RALYL: variants seen among roughly 807,000 people sequenced by gnomAD.
RALYL encodes the protein RALY RNA binding protein like.
RALYL carries 29 observed loss-of-function variants against 35.1 expected under a neutral mutation model. That is an observed-to-expected ratio of 0.83 (90% CI 0.61 to 1.13). The LOEUF (loss-of-function observed/expected upper bound fraction) is 1.13. RALYL is among the 50% of genes most tolerant of loss of function. RALYL has a pLI of 0.00. For missense variants in RALYL, 359 were observed against 360.4 expected, an observed-to-expected ratio of 1.00 and a Z score of 0.03; for synonymous variants, 120 against 127.6, an observed-to-expected ratio of 0.94 and a Z score of 0.40.
At chr8:84,522,440 G>A (rs921653946) in intron 1 of RALYL, among the ~76,000 whole-genome samples, 1 of 151,522 alleles carries the variant, frequency 6.6e-6, no homozygotes, top group Non-Finnish European at 1.5e-5. Flanking sequence ...TAGTAGAGAC[G>A]GGGTTTCACC....
At position 84,754,848 on chromosome 8, in the gene RALYL, T is replaced by G. The variant is rs529164494; in HGVS notation, c.257-19731T>G. On this transcript the variant is annotated intron_variant, in intron 2 of 8. Transcript: ENST00000521268. ...AAGAAGAACAGTAACCATTGAGTAC[T>G]TATATGCCAGGTTCTCTTCTAAGTG... 7.9e-5 allele frequency among the ~76,000 whole-genome samples: 12 copies of G among 152,286 alleles called. No individual in the cohort carries two copies. In the South Asian group the frequency reaches 2.5e-3, roughly 32 times the overall value.
chr8:84,764,454 T>C (rs1399996861), intron 2 of RALYL, among the ~76,000 whole-genome samples: 1 of 152,214 alleles, frequency 6.6e-6, no homozygotes, highest in African/African-American at 2.4e-5. Flanking sequence ...TCCAAATATA[T>C]ATGTGCTTTT....
intron 1 of RALYL, among the ~76,000 whole-genome samples, chr8:84,341,652 T>C (rs764855898): frequency 1.3e-5 from 2 of 152,044 alleles, no homozygotes; most frequent in Admixed American, 6.6e-5. Context: ...ACTGCTTGTT[T>C]TATTTAAAAT....
At chr8:84,637,557 C>T (rs1825333540) in intron 2 of RALYL, among the ~76,000 whole-genome samples, 1 of 151,746 alleles carries the variant, frequency 6.6e-6, no homozygotes, top group Non-Finnish European at 1.5e-5. Context: ...GGGGAAGTGG[C>T]CAGATTTACA....
At chr8:84,626,919 T>C (rs774535565) in intron 2 of RALYL, among the ~76,000 whole-genome samples, 2 of 152,184 alleles carry the variant, frequency 1.3e-5, no homozygotes, top group African/African-American at 2.4e-5. Context: ...CACAGCCTTA[T>C]TTCGTGTGAC....
chr8:84,563,697 T>C (rs2061602744), intron 2 of RALYL, among the ~76,000 whole-genome samples: 1 of 151,806 alleles, frequency 6.6e-6, no homozygotes, highest in Non-Finnish European at 1.5e-5. Context: ...TGGTTAAAGA[T>C]AATGTTTTAA....
chr8:84,774,612 G>T lies in RALYL; in HGVS notation c.290G>T (p.Arg97Ile). Residue 97 changes from arginine (R) to isoleucine (I), a missense_variant, in exon 3 of 9, where the codon AGA becomes ATA. Coordinates refer to ENST00000521268, the MANE Select transcript of RALYL (RefSeq NM_173848.7). The stretch of plus-strand genomic sequence containing the variant: ...ATGGCAGGAGAGCCCAAACCATACA[G>T]ACCAAAACCTGGAAACAAGAGGCCC... ...INMAGEPKPY[R>I]PKPGNKRPLS... 1 of 1,609,228 alleles carries T rather than the reference G, an allele frequency of 6.2e-7. No homozygotes were observed. The highest frequency in any genetic ancestry group is 2.2e-5 in the East Asian group (1 of 44,732).
At chr8:84,565,174 A>C (rs537478792) in intron 2 of RALYL, among the ~76,000 whole-genome samples, 3 of 151,772 alleles carry the variant, frequency 2.0e-5, no homozygotes, top group African/African-American at 7.2e-5. Context: ...GGACTATATA[A>C]ATTACATATG....
chr8:84,389,874 C>A (rs1487659921), intron 1 of RALYL, among the ~76,000 whole-genome samples: 1 of 151,254 alleles, frequency 6.6e-6, no homozygotes, highest in Non-Finnish European at 1.5e-5. Context: ...GAACTTCCAA[C>A]AGTATGTTGA....
chr8:84,877,069 T>C lies in RALYL; in HGVS notation c.685+3672T>C, dbSNP rs117075772. Among the ~76,000 whole-genome samples the C allele has an allele frequency of 4.5e-4, 68 of 152,332 alleles. No individual in the cohort carries two copies. The East Asian group carries it at 9.3e-3, about 21-fold the overall frequency. ...TTCACATTCATGTCTGAGACTCCCA[T>C]TGCAGGTTTTCCTTACACTGAGCTA... On this transcript the variant is annotated intron_variant, in intron 7 of 8. Transcript: ENST00000521268.
At chr8:84,282,537 T>C (rs1836770139) in intron 1 of RALYL, among the ~76,000 whole-genome samples, 1 of 152,040 alleles carries the variant, frequency 6.6e-6, no homozygotes, top group Non-Finnish European at 1.5e-5. Context: ...GGGTGGTTCA[T>C]AATTTTAAGG....
chr8:84,870,666 G>A (rs1016907976), intron 6 of RALYL, among the ~76,000 whole-genome samples: 7 of 151,982 alleles, frequency 4.6e-5, no homozygotes, highest in Admixed American at 4.6e-4. Context: ...CAGGAGAGAA[G>A]TTGTTAACAG....
rs181211591 is a variant in RALYL, at chr8:84,739,659, A to C, written c.257-34920A>C. Among the ~76,000 whole-genome samples the C allele has an allele frequency of 3.7e-3, 569 of 152,024 alleles. 5 individuals carry two copies. Among genetic ancestry groups the C allele is most frequent in the African/African-American group, 0.013 (528 of 41,530 alleles). The stretch of plus-strand genomic sequence containing the variant: ...CACAAACATGACAGAAAAGTCATGA[A>C]GACAATAATTATCAATGTAGTTAGA... On this transcript the variant is annotated intron_variant, in intron 2 of 8. Coordinates refer to ENST00000521268, the MANE Select transcript of RALYL (RefSeq NM_173848.7).
In RALYL at chr8:84,387,292, C is replaced by T. The variant is rs905780028; in HGVS notation, c.-23-142007C>T. ...TGATTACTGAATGGCCTGAACTCAC[C>T]GCCAAAAAGCACTTTTACTTTTTTT... On this transcript the variant is annotated intron_variant, in intron 1 of 8. Coordinates refer to ENST00000521268, the MANE Select transcript of RALYL (RefSeq NM_173848.7). Among the ~76,000 whole-genome samples, 5 of 151,870 alleles carry T rather than the reference C, an allele frequency of 3.3e-5. No homozygotes were observed. In the East Asian group the frequency reaches 5.8e-4, roughly 18 times the overall value.
chr8:84,251,986 T>C (rs1318034987), intron 1 of RALYL, among the ~76,000 whole-genome samples: 1 of 152,056 alleles, frequency 6.6e-6, no homozygotes, highest in Non-Finnish European at 1.5e-5. Flanking sequence ...CTATTAATGT[T>C]AATGAGGATA....
intron 2 of RALYL, among the ~76,000 whole-genome samples, chr8:84,552,991 C>G (rs1044832928): frequency 6.6e-6 from 1 of 151,942 alleles, no homozygotes; most frequent in African/African-American, 2.4e-5. Flanking sequence ...CACATACATA[C>G]ATAAATGAAC....
intron 2 of RALYL, among the ~76,000 whole-genome samples, chr8:84,629,397 G>A (rs28490447): frequency 2.0e-5 from 3 of 151,976 alleles, no homozygotes; most frequent in African/African-American, 7.2e-5. Flanking sequence ...CTGAGACTTA[G>A]ATACTACTTC....
intron 3 of RALYL, among the ~76,000 whole-genome samples, chr8:84,788,810 G>A (rs577939933): frequency 1.3e-4 from 20 of 152,218 alleles, no homozygotes; most frequent in Non-Finnish European, 2.6e-4. Flanking sequence ...GGATATGGGG[G>A]CCAGGAGAGC....
intron 2 of RALYL, among the ~76,000 whole-genome samples, chr8:84,736,578 T>A (rs977170999): frequency 2.0e-5 from 3 of 152,138 alleles, no homozygotes; most frequent in African/African-American, 7.2e-5. Flanking sequence ...ATACTGTCTA[T>A]CATGTGTGAG....
Sources: gnomAD v4.1 joint callset for allele counts (sites outside exome capture counted in the v4.1 genomes callset) on GRCh38, gnomAD v4.1.1 for gene constraint, MANE v1.5 for transcripts, NCBI Gene and HGNC (gene_info 2026-07-23, HGNC 2026-07-21) for gene names.